ARB2A: variants seen among roughly 807,000 people sequenced by gnomAD.
ARB2A encodes ARB2 cotranscriptional regulator A, also known as cotranscriptional regulator ARB2A.
At chr5:93,640,280 C>G in the ARB2A span, among the ~76,000 whole-genome samples, 3 of 151,074 alleles carry the variant, frequency 2.0e-5, no homozygotes, top group African/African-American at 7.3e-5. Flanking sequence ...GAAACCTGAT[C>G]TCTACTAAAA....
At chr5:94,056,106 C>G in the ARB2A span, 4 of 174,870 alleles carry the variant, frequency 2.3e-5, no homozygotes, top group Non-Finnish European at 4.5e-5. Flanking sequence ...ATAAAATAAG[C>G]ATATCCCTAA....
the ARB2A span, chr5:93,683,571 T>C: frequency 6.9e-7 from 1 of 1,447,698 alleles, no homozygotes; most frequent in South Asian, 1.1e-5. Context: ...GCACCAGCCC[T>C]AAACTGGCCG....
At chr5:93,632,446 G>A in the ARB2A span, among the ~76,000 whole-genome samples, 1 of 152,184 alleles carries the variant, frequency 6.6e-6, no homozygotes, top group Non-Finnish European at 1.5e-5. Flanking sequence ...GGTGTGTGAG[G>A]GGAAAGTGGT....
the ARB2A span, among the ~76,000 whole-genome samples, chr5:93,632,826 A>G: frequency 2.6e-5 from 4 of 152,232 alleles, no homozygotes; most frequent in African/African-American, 4.8e-5. Flanking sequence ...AAAGCCTAGT[A>G]AAACAATATT....
the ARB2A span, among the ~76,000 whole-genome samples, chr5:93,727,790 T>G: frequency 6.6e-6 from 1 of 152,044 alleles, no homozygotes; most frequent in Non-Finnish European, 1.5e-5. Context: ...TTGGCCTATC[T>G]GCAAAAAAAT....
At chr5:93,922,664 A>AAGGGAGGGAGGGAGGG in the ARB2A span, among the ~76,000 whole-genome samples, 29 of 31,784 alleles carry the variant, frequency 9.1e-4, no homozygotes, top group African/African-American at 3.7e-3. Flanking sequence ...GGGAGGGAGG[A>AAGGGAGGGAGGGAGGG]AGGGAGGGAG....
chr5:93,682,242 TAA>T, the ARB2A span, among the ~76,000 whole-genome samples: 31,246 of 136,458 alleles, frequency 0.23, 3,570 homozygotes, highest in African/African-American at 0.3. Flanking sequence ...CAGTCTAACT[TAA>T]AAAAAAAAAA....
At chr5:94,044,949 C>G in the ARB2A span, among the ~76,000 whole-genome samples, 1 of 151,704 alleles carries the variant, frequency 6.6e-6, no homozygotes, top group Non-Finnish European at 1.5e-5. Flanking sequence ...GAAACCCCAT[C>G]TCTACTAAAA....
chr5:93,682,951 T>A, the ARB2A span: 1 of 1,580,842 alleles, frequency 6.3e-7, no homozygotes, highest in Non-Finnish European at 8.6e-7. Context: ...GAGAACCACC[T>A]TTTTCTATAC....
the ARB2A span, among the ~76,000 whole-genome samples, chr5:93,798,445 C>T: frequency 6.6e-6 from 1 of 152,058 alleles, no homozygotes; most frequent in Non-Finnish European, 1.5e-5. Flanking sequence ...TTAGACTCTA[C>T]TGCCTTAAGA....
chr5:93,694,131 G>C, the ARB2A span, among the ~76,000 whole-genome samples: 345 of 152,246 alleles, frequency 2.3e-3, 5 homozygotes, highest in African/African-American at 7.9e-3. Flanking sequence ...ACCGCCACAA[G>C]ACAAGGATGC....
chr5:93,774,369 G>T, the ARB2A span, among the ~76,000 whole-genome samples: 2 of 152,196 alleles, frequency 1.3e-5, no homozygotes, highest in Non-Finnish European at 2.9e-5. Context: ...GATGACATGC[G>T]TGTCAAAAGC....
chr5:93,882,289 C>T, the ARB2A span, among the ~76,000 whole-genome samples: 3 of 151,230 alleles, frequency 2.0e-5, no homozygotes, highest in African/African-American at 7.3e-5. Flanking sequence ...CACTTTGTTT[C>T]TCACAGGAGG....
At chr5:93,726,272 C>A in the ARB2A span, among the ~76,000 whole-genome samples, 1 of 152,002 alleles carries the variant, frequency 6.6e-6, no homozygotes, top group Non-Finnish European at 1.5e-5. Flanking sequence ...GGAAGCATTT[C>A]TCTTCAACTC....
chr5:93,852,602 T>G, the ARB2A span, among the ~76,000 whole-genome samples: 1 of 152,202 alleles, frequency 6.6e-6, no homozygotes, highest in Non-Finnish European at 1.5e-5. Context: ...AACGTTTAAG[T>G]CTTTAATCCA....
chr5:93,717,766 A>G, the ARB2A span, among the ~76,000 whole-genome samples: 3 of 152,118 alleles, frequency 2.0e-5, no homozygotes, highest in African/African-American at 7.2e-5. Flanking sequence ...GGCAGCATTT[A>G]AAAAAGAATA....
the ARB2A span, among the ~76,000 whole-genome samples, chr5:93,688,803 A>G: frequency 6.6e-6 from 1 of 152,134 alleles, no homozygotes; most frequent in South Asian, 2.1e-4. Context: ...CTTCTGCCCT[A>G]TTACCCATGA....
At chr5:93,630,213 T>G in the ARB2A span, among the ~76,000 whole-genome samples, 1 of 152,158 alleles carries the variant, frequency 6.6e-6, no homozygotes, top group Non-Finnish European at 1.5e-5. Context: ...AAGAAGGGCT[T>G]CTATTGGAAA....
chr5:93,867,532 C>T, the ARB2A span, among the ~76,000 whole-genome samples: 6 of 152,162 alleles, frequency 3.9e-5, no homozygotes, highest in Admixed American at 6.5e-5. Flanking sequence ...ATTCTCCTGC[C>T]TCAGCCTCCC....
Sources: allele counts gnomAD v4.1 joint callset (sites outside exome capture counted in the v4.1 genomes callset), GRCh38; gene constraint gnomAD v4.1.1; transcripts MANE v1.5; gene names NCBI Gene and HGNC (gene_info 2026-07-23, HGNC 2026-07-21).